The following ROBO1 variants were observed in gnomAD, a reference collection of about 807,000 sequenced individuals.
ROBO1 encodes roundabout homolog 1.
In ROBO1, 149 loss-of-function variants were observed where a neutral mutation model predicts 195.9. The observed-to-expected ratio is 0.76, with a 90% CI of 0.67 to 0.87. The LOEUF (loss-of-function observed/expected upper bound fraction) is 0.87. Ranked by LOEUF, ROBO1 falls within the 40% of genes least tolerant of loss-of-function variation. The pLI, the probability that ROBO1 is intolerant of heterozygous loss-of-function variation, is 0.00. For missense variants in ROBO1, 1,933 were observed against 2,068.3 expected, an observed-to-expected ratio of 0.93 and a Z score of 1.27; for synonymous variants, 816 against 733.2, an observed-to-expected ratio of 1.11 and a Z score of -1.82.
At chr3:78,662,309 G>GT (rs1707470927) in intron 14 of ROBO1, among the ~76,000 whole-genome samples, 195 bp from the exon 15 acceptor site, 1 of 151,594 alleles carries the variant, frequency 6.6e-6, no homozygotes, top group South Asian at 2.1e-4. Flanking sequence ...AGGGGATAGA[G>GT]AGAGTAGAGA....
intron 3 of ROBO1, among the ~76,000 whole-genome samples, chr3:79,084,928 A>G (rs2108472741): frequency 6.6e-6 from 1 of 152,272 alleles, no homozygotes; most frequent in African/African-American, 2.4e-5. Flanking sequence ...TCAATGTTGA[A>G]AAATATAAAA....
At chr3:79,226,064 T>C (rs2082222026) in intron 2 of ROBO1, among the ~76,000 whole-genome samples, 1 of 152,126 alleles carries the variant, frequency 6.6e-6, no homozygotes, top group African/African-American at 2.4e-5. Context: ...AGAAAACCAT[T>C]TTTTTAACCT....
At chr3:78,886,597 G>GA (rs1216654202) in intron 4 of ROBO1, among the ~76,000 whole-genome samples, 39 of 147,138 alleles carry the variant, frequency 2.7e-4, no homozygotes, top group African/African-American at 6.7e-4. Context: ...CCATCTCAAA[G>GA]AAAAAAAAAA....
chr3:79,043,734 TA>T (rs2108341325), intron 3 of ROBO1, among the ~76,000 whole-genome samples: 1 of 152,240 alleles, frequency 6.6e-6, no homozygotes, highest in South Asian at 2.1e-4. Context: ...TATAGAAATG[TA>T]TACAGCAACC....
At chr3:79,115,908 A>G (rs2079985100) in intron 3 of ROBO1, among the ~76,000 whole-genome samples, 1 of 152,218 alleles carries the variant, frequency 6.6e-6, no homozygotes, top group African/African-American at 2.4e-5. Flanking sequence ...TTTTCCAATG[A>G]TAAAGTGAAG....
intron 2 of ROBO1, among the ~76,000 whole-genome samples, chr3:79,395,743 T>C (rs1246663123): frequency 6.6e-6 from 1 of 152,108 alleles, no homozygotes; most frequent in Non-Finnish European, 1.5e-5. Flanking sequence ...TTTCCTAAAT[T>C]ATTTTTAAAA....
At chr3:78,731,631 G>GA (rs1169370118) in intron 5 of ROBO1, among the ~76,000 whole-genome samples, 1 of 151,598 alleles carries the variant, frequency 6.6e-6, no homozygotes, top group Non-Finnish European at 1.5e-5. Flanking sequence ...CATCTCTTCT[G>GA]AAAAAAAATG....
intron 3 of ROBO1, among the ~76,000 whole-genome samples, chr3:79,104,221 C>A (rs983741404): frequency 6.6e-6 from 1 of 151,698 alleles, no homozygotes; most frequent in Non-Finnish European, 1.5e-5. Flanking sequence ...GAGTCATGAA[C>A]GCTTTCATAG....
chr3:78,833,929 G>A (rs939598598), intron 4 of ROBO1, among the ~76,000 whole-genome samples: 6 of 152,104 alleles, frequency 3.9e-5, no homozygotes, highest in African/African-American at 1.2e-4. Context: ...AAAACAATGG[G>A]CTACATTCAG....
At chr3:79,066,977 C>T (rs2079013515) in intron 3 of ROBO1, among the ~76,000 whole-genome samples, 1 of 151,828 alleles carries the variant, frequency 6.6e-6, no homozygotes, top group African/African-American at 2.4e-5. Context: ...CTTCATGATT[C>T]CTTTAATATT....
chr3:79,570,309 T>G (rs1399274781), intron 2 of ROBO1, among the ~76,000 whole-genome samples: 1 of 151,990 alleles, frequency 6.6e-6, no homozygotes, highest in Admixed American at 6.6e-5. Flanking sequence ...AACTGTTTTC[T>G]AATTGCAGTT....
At chr3:78,938,958 T>C (rs1436217381) in intron 3 of ROBO1, 31 bp from the exon 4 acceptor site, 2 of 1,551,414 alleles carry the variant, frequency 1.3e-6, no homozygotes, top group Middle Eastern at 1.7e-4. Context: ...TATCTTCGTA[T>C]ATCACTTGAA....
At chr3:78,665,738 C>A (rs1707693628) in intron 14 of ROBO1, among the ~76,000 whole-genome samples, 1 of 151,994 alleles carries the variant, frequency 6.6e-6, no homozygotes, top group Admixed American at 6.6e-5. Context: ...GTATGTTTAG[C>A]CCCATTTTAT....
intron 4 of ROBO1, among the ~76,000 whole-genome samples, chr3:78,861,845 C>T (rs368069853): frequency 6.6e-6 from 1 of 151,992 alleles, no homozygotes; most frequent in Non-Finnish European, 1.5e-5. Flanking sequence ...CTTAAGCATC[C>T]TATGATATTT....
chr3:78,908,774 C>T (rs1169248750), intron 4 of ROBO1, among the ~76,000 whole-genome samples: 1 of 151,798 alleles, frequency 6.6e-6, no homozygotes, highest in Non-Finnish European at 1.5e-5. Flanking sequence ...GGCTGTGTAG[C>T]ACATTAATCT....
chr3:79,518,450 C>A (rs1325614597), intron 2 of ROBO1, among the ~76,000 whole-genome samples: 2 of 152,062 alleles, frequency 1.3e-5, no homozygotes, highest in Admixed American at 1.3e-4. Flanking sequence ...TCTTTCAGTT[C>A]TCTCAGGTAG....
Position 79,023,798 on chromosome 3 carries a change from GTCCAAGTAAT to G in ROBO1, c.173-84881_173-84872del, listed in dbSNP as rs550214018. ...GCTCACTGCAACCTCCGCCTCCCAT[GTCCAAGTAAT>G]TCTCCTTGCCTCATTCTCCCAGGTA... On this transcript the variant is annotated intron_variant, in intron 3 of 30. Transcript: ENST00000464233. Among the ~76,000 whole-genome samples, 814 of 136,826 alleles carry G rather than the reference GTCCAAGTAAT, an allele frequency of 5.9e-3. 9 individuals carry two copies. Among genetic ancestry groups the G allele is most frequent in the Non-Finnish European group, 6.6e-3 (435 of 65,722 alleles). 89.8% of individuals were successfully genotyped at this position (136,826 alleles called of 152,430 possible).
chr3:79,301,828 C>T (rs1375596188), intron 2 of ROBO1, among the ~76,000 whole-genome samples: 1 of 152,128 alleles, frequency 6.6e-6, no homozygotes, highest in African/African-American at 2.4e-5. Context: ...GGCTGTGAAG[C>T]TGACCTTGGA....
Position 79,602,313 on chromosome 3 carries a change from G to T in ROBO1, c.-50-12352C>A, listed in dbSNP as rs867920819. ...AACATGCACAAAGATGTAACAAAAA[G>T]ATTCATACACAAAAGGCTGTGCATG... On this transcript the variant is annotated intron_variant, in intron 1 of 30. Coordinates refer to ENST00000464233, the MANE Select transcript of ROBO1 (RefSeq NM_002941.4). Among the ~76,000 whole-genome samples the T allele has an allele frequency of 6.6e-5, 10 of 152,090 alleles. No individual in the cohort carries two copies. In the South Asian group the frequency reaches 2.1e-3, roughly 32 times the overall value.
Sources: allele counts gnomAD v4.1 joint callset (sites outside exome capture counted in the v4.1 genomes callset), GRCh38; gene constraint gnomAD v4.1.1; transcripts MANE v1.5; gene names NCBI Gene and HGNC (gene_info 2026-07-23, HGNC 2026-07-21).